The following SLC16A9 variants were observed in gnomAD, a reference collection of about 807,000 sequenced individuals.
The protein encoded by SLC16A9 is monocarboxylate transporter 9.
SLC16A9 carries 26 observed loss-of-function variants against 44.3 expected under a neutral mutation model. The observed-to-expected ratio is 0.59, with a 90% confidence interval of 0.43 to 0.81. SLC16A9 has a LOEUF of 0.81. SLC16A9 is among the 40% of genes least tolerant of loss of function. SLC16A9 has a pLI of 0.00. For synonymous variants in SLC16A9, 230 were observed against 225.1 expected, an observed-to-expected ratio of 1.02 and a Z score of -0.19; for missense variants, 559 against 595.8, an observed-to-expected ratio of 0.94 and a Z score of 0.64.
chr10:59,685,120 T>G (rs1840103894), intron 1 of SLC16A9, among the ~76,000 whole-genome samples: 1 of 152,224 alleles, frequency 6.6e-6, no homozygotes, highest in Non-Finnish European at 1.5e-5. Context: ...AATGTCTCTC[T>G]TTTTCATAAA....
intron 3 of SLC16A9, 66 bp from the exon 4 acceptor site, chr10:59,664,388 A>G: frequency 1.3e-5 from 14 of 1,092,982 alleles, no homozygotes; most frequent in Non-Finnish European, 1.9e-5. Flanking sequence ...GAAAAAAGGA[A>G]AAACAAGTAT....
intron 2 of SLC16A9, among the ~76,000 whole-genome samples, chr10:59,673,308 G>A (rs866118930): frequency 2.0e-5 from 3 of 152,204 alleles, no homozygotes; most frequent in Admixed American, 6.5e-5. Flanking sequence ...CCACCTGACC[G>A]TGTTACTGTG....
intron 1 of SLC16A9, among the ~76,000 whole-genome samples, chr10:59,694,129 CGG>C (rs1840315990): frequency 6.6e-6 from 1 of 150,828 alleles, no homozygotes; most frequent in Admixed American, 6.6e-5. Context: ...TTAGTAGAGA[CGG>C]GGTTTCACCG....
chr10:59,663,300 G>C (rs550392703), intron 4 of SLC16A9, among the ~76,000 whole-genome samples: 1 of 152,110 alleles, frequency 6.6e-6, no homozygotes, highest in African/African-American at 2.4e-5. Context: ...GGCAGAGGTT[G>C]TGGTGAGCCA....
rs146724283 is a variant in SLC16A9 at position 59,680,041 on chromosome 10, A to G, written c.196+4055T>C. Among the ~76,000 whole-genome samples the G allele has an allele frequency of 5.6e-3, 856 of 152,202 alleles. 10 individuals are homozygous for G. Among genetic ancestry groups the G allele is most frequent in the Middle Eastern group, 0.01 (3 of 294 alleles). ...CTGAGACTACAAACCTTTTAGAAACATGGATGGTGTTTTCTATATTGGCAT... is the reference window on the plus strand; with the variant it reads ...CTGAGACTACAAACCTTTTAGAAACGTGGATGGTGTTTTCTATATTGGCAT... On this transcript the variant is annotated intron_variant, in intron 2 of 5. Coordinates refer to ENST00000395348, the MANE Select transcript of SLC16A9 (RefSeq NM_194298.3).
intron 3 of SLC16A9, among the ~76,000 whole-genome samples, chr10:59,667,055 T>C (rs985541012): frequency 6.6e-5 from 10 of 151,874 alleles, no homozygotes; most frequent in African/African-American, 2.4e-4. Flanking sequence ...TTGATATTTT[T>C]TGATATTTTT....
At chr10:59,681,777 GTA>G (rs1415612709) in intron 2 of SLC16A9, among the ~76,000 whole-genome samples, 395 of 10,810 alleles carry the variant, frequency 0.037, 131 homozygotes, top group East Asian at 0.35. Flanking sequence ...ATATGTATAT[GTA>G]TATGATGTAT....
At chr10:59,679,429 GCCTAGCTAA>G (rs1361643568) in intron 2 of SLC16A9, among the ~76,000 whole-genome samples, 1 of 152,170 alleles carries the variant, frequency 6.6e-6, no homozygotes, top group Non-Finnish European at 1.5e-5. Context: ...GACAATACCT[GCCTAGCTAA>G]CCAAGTCAAA....
chr10:59,666,645 C>T (rs1196525611), intron 3 of SLC16A9, among the ~76,000 whole-genome samples: 1 of 152,162 alleles, frequency 6.6e-6, no homozygotes, highest in Non-Finnish European at 1.5e-5. Context: ...AATGCTTCAC[C>T]TGAATTACAA....
chr10:59,662,219 T>C (rs1839491103), intron 4 of SLC16A9, among the ~76,000 whole-genome samples: 1 of 151,270 alleles, frequency 6.6e-6, no homozygotes, highest in African/African-American at 2.4e-5. Context: ...TGGGAGAAAA[T>C]ATTTGCAATC....
At chr10:59,667,040 G>A (rs1460247202) in intron 3 of SLC16A9, among the ~76,000 whole-genome samples, 1 of 152,052 alleles carries the variant, frequency 6.6e-6, no homozygotes, top group Non-Finnish European at 1.5e-5. Flanking sequence ...GCATAACTCA[G>A]CAAATTGATA....
chr10:59,702,833 A>T (rs1840554295), intron 1 of SLC16A9, among the ~76,000 whole-genome samples: 1 of 152,232 alleles, frequency 6.6e-6, no homozygotes, highest in East Asian at 1.9e-4. Flanking sequence ...TAATTTATCC[A>T]TCTAGTTGAA....
At chr10:59,703,873 C>T (rs1840581506) in intron 1 of SLC16A9, among the ~76,000 whole-genome samples, 1 of 152,064 alleles carries the variant, frequency 6.6e-6, no homozygotes, top group Non-Finnish European at 1.5e-5. Flanking sequence ...TGCCCGCCAC[C>T]ATGCCTGGCT....
At chr10:59,702,580 T>C (rs1026754630) in intron 1 of SLC16A9, among the ~76,000 whole-genome samples, 1 of 152,234 alleles carries the variant, frequency 6.6e-6, no homozygotes, top group Non-Finnish European at 1.5e-5. Context: ...TTCCTTCTCA[T>C]TGTCAACATC....
chr10:59,687,951 C>T lies in SLC16A9; in HGVS notation c.-36-3624G>A, dbSNP rs941255502. 5.0e-5 allele frequency among the ~76,000 whole-genome samples: 7 copies of T among 140,954 alleles called. No individual in the cohort carries two copies. The Admixed American group carries it at 5.2e-4, about 10-fold the overall frequency. The allele number at this position is 140,954 out of a possible 152,430, so 92.5% of individuals were successfully genotyped here. A position where few individuals can be genotyped will look rare whatever the true frequency, so the allele number is the denominator to read the frequency against. ...CTCCAGTGTGGGTGACACAGTGAGA[C>T]CCTGTCTCAACAACAACAAAAAAAA... On this transcript the variant is annotated intron_variant, in intron 1 of 5. Coordinates refer to ENST00000395348, the MANE Select transcript of SLC16A9 (RefSeq NM_194298.3).
At chr10:59,658,824 G>A (rs567266688) in intron 4 of SLC16A9, among the ~76,000 whole-genome samples, 2 of 152,222 alleles carry the variant, frequency 1.3e-5, no homozygotes, top group South Asian at 4.2e-4. Context: ...ATATGTTGGG[G>A]AAATATACAG....
At chr10:59,705,057 C>A (rs1270751528) in intron 1 of SLC16A9, among the ~76,000 whole-genome samples, 2 of 152,144 alleles carry the variant, frequency 1.3e-5, no homozygotes, top group African/African-American at 4.8e-5. Flanking sequence ...GAGGCCTGGT[C>A]TTCACATCTT....
chr10:59,699,152 C>T (rs1840466277), intron 1 of SLC16A9, among the ~76,000 whole-genome samples: 1 of 152,154 alleles, frequency 6.6e-6, no homozygotes, highest in African/African-American at 2.4e-5. Context: ...GCAGGAAAAC[C>T]CCTGAGAAGA....
At chr10:59,682,177 T>C (rs1288167121) in intron 2 of SLC16A9, among the ~76,000 whole-genome samples, 3 of 152,110 alleles carry the variant, frequency 2.0e-5, no homozygotes, top group African/African-American at 7.2e-5. Flanking sequence ...TAAGATGCCC[T>C]AACTCTCTGG....
Sources: allele counts gnomAD v4.1 joint callset (sites outside exome capture counted in the v4.1 genomes callset), GRCh38; gene constraint gnomAD v4.1.1; transcripts MANE v1.5; gene names NCBI Gene and HGNC (gene_info 2026-07-23, HGNC 2026-07-21).